The following CFAP119 variants were observed in gnomAD, a reference collection of about 807,000 sequenced individuals.
CFAP119 encodes the protein cilia and flagella associated protein 119, also known as cilia- and flagella-associated protein 119.
At chr16:30,761,124 G>A in the CFAP119 span, 1 of 1,529,100 alleles carries the variant, frequency 6.5e-7, no homozygotes, top group African/African-American at 1.4e-5. Flanking sequence ...GGATGCCCTG[G>A]CCACAGACAG....
chr16:30,757,864 G>T, the CFAP119 span: 2 of 1,358,186 alleles, frequency 1.5e-6, no homozygotes, highest in South Asian at 3.3e-5. Flanking sequence ...TTCAAATTCT[G>T]ATCCCTACTC....
the CFAP119 span, chr16:30,761,388 G>T: frequency 7.3e-7 from 1 of 1,366,548 alleles, no homozygotes; most frequent in Non-Finnish European, 1.0e-6. Flanking sequence ...GGTGCTCTAC[G>T]CGAGCACAGT....
chr16:30,760,804 A>G, the CFAP119 span: 2 of 764,734 alleles, frequency 2.6e-6, no homozygotes, highest in Admixed American at 2.0e-5. Flanking sequence ...GTGACTATGC[A>G]AATCGTTAAC....
chr16:30,759,563 C>G, the CFAP119 span: 7 of 1,613,934 alleles, frequency 4.3e-6, no homozygotes, highest in African/African-American at 8.0e-5. Flanking sequence ...GGGGTCTTCA[C>G]AAGAAGATAA....
the CFAP119 span, chr16:30,758,499 C>T: frequency 4.9e-5 from 9 of 184,412 alleles, no homozygotes; most frequent in East Asian, 1.6e-4. Flanking sequence ...TTTAAGCCAC[C>T]GTCATTGGCT....
chr16:30,761,456 C>G, the CFAP119 span: 11 of 1,512,276 alleles, frequency 7.3e-6, no homozygotes, highest in Admixed American at 1.4e-4. Flanking sequence ...GGAGACGTCC[C>G]GAACGTTAGT....
At chr16:30,761,244 C>A in the CFAP119 span, 1 of 1,613,680 alleles carries the variant, frequency 6.2e-7, no homozygotes, top group South Asian at 1.1e-5. Context: ...GGAAAGAAAG[C>A]GAATTGGGGA....
the CFAP119 span, chr16:30,757,542 G>A: frequency 6.2e-7 from 1 of 1,614,258 alleles, no homozygotes; most frequent in South Asian, 1.1e-5. Flanking sequence ...CAGTCAACTT[G>A]CTGCTGAGCC....
chr16:30,757,545 G>A, the CFAP119 span: 1 of 1,614,266 alleles, frequency 6.2e-7, no homozygotes, highest in Non-Finnish European at 8.5e-7. Flanking sequence ...TCAACTTGCT[G>A]CTGAGCCTTT....
chr16:30,758,463 T>G, the CFAP119 span: 1 of 167,686 alleles, frequency 6.0e-6, no homozygotes, highest in Non-Finnish European at 1.3e-5. Context: ...GGTGGTTTGC[T>G]TTACCCATCA....
chr16:30,760,656 G>A, the CFAP119 span: 1 of 1,551,474 alleles, frequency 6.4e-7, no homozygotes, highest in South Asian at 1.2e-5. Flanking sequence ...TGGAATGGAC[G>A]TCCAGGTACT....
the CFAP119 span, chr16:30,761,517 C>T: frequency 6.5e-7 from 1 of 1,535,640 alleles, no homozygotes; most frequent in Non-Finnish European, 8.7e-7. Context: ...TAAATATTCA[C>T]GAGCAGACCA....
the CFAP119 span, chr16:30,760,325 G>A: frequency 2.0e-5 from 33 of 1,614,214 alleles, no homozygotes; most frequent in South Asian, 3.0e-4. Flanking sequence ...GGCACAAGCC[G>A]CTGACGTCTG....
chr16:30,759,312 G>A, the CFAP119 span: 3 of 1,612,638 alleles, frequency 1.9e-6, 1 homozygote, highest in South Asian at 3.3e-5. Flanking sequence ...GGCGGTTGAG[G>A]GTGGCTCCTC....
chr16:30,759,893 C>T, the CFAP119 span: 1 of 1,443,762 alleles, frequency 6.9e-7, no homozygotes. Context: ...ACTATATGCC[C>T]ACTGTATGGT....
the CFAP119 span, chr16:30,759,637 G>A: frequency 6.8e-6 from 11 of 1,613,938 alleles, no homozygotes; most frequent in Non-Finnish European, 9.3e-6. Flanking sequence ...TTTCCAGAAT[G>A]TTCCAGGGGA....
chr16:30,760,635 C>T, the CFAP119 span: 146 of 1,556,160 alleles, frequency 9.4e-5, 1 homozygote, highest in Admixed American at 2.3e-4. Context: ...TGGTCTTCTC[C>T]AGCTGGTGCA....
chr16:30,760,675 T>C, the CFAP119 span: 20 of 1,524,002 alleles, frequency 1.3e-5, no homozygotes, highest in African/African-American at 1.8e-5. Flanking sequence ...CTTCCTGTTA[T>C]AGTAAAAGAA....
chr16:30,761,386 A>G, the CFAP119 span: 1 of 1,367,646 alleles, frequency 7.3e-7, no homozygotes, highest in Non-Finnish European at 1.0e-6. Context: ...TAGGTGCTCT[A>G]CGCGAGCACA....
Sources: allele counts gnomAD v4.1 joint callset, GRCh38; gene constraint gnomAD v4.1.1; transcripts MANE v1.5; gene names NCBI Gene and HGNC (gene_info 2026-07-23, HGNC 2026-07-21).